The following SPATA13 variants were observed in gnomAD, a reference collection of about 807,000 sequenced individuals.
The protein encoded by SPATA13 is spermatogenesis associated 13.
Under a neutral mutation model 104.0 loss-of-function variants are expected in SPATA13, and 50 were observed. The ratio of observed to expected loss-of-function variants is 0.48; its 90% CI spans 0.38 to 0.61. The LOEUF is 0.61. Ranked by LOEUF, SPATA13 falls within the 20% of genes least tolerant of loss-of-function variation. The pLI is 0.00. For synonymous variants in SPATA13, 606 were observed against 667.5 expected (o/e 0.91, Z 1.42); for missense variants, 1,524 against 1,690.6 (o/e 0.90, Z 1.73).
chr13:24,199,751 G>A (rs1870294822), intron 1 of SPATA13, among the ~76,000 whole-genome samples: 1 of 152,216 alleles, frequency 6.6e-6, no homozygotes, highest in African/African-American at 2.4e-5. Flanking sequence ...AACAGTGTCA[G>A]ATCACATTGG....
At chr13:24,222,693 G>T in intron 1 of SPATA13, 126 bp from the exon 2 acceptor site, 1 of 754,516 alleles carries the variant, frequency 1.3e-6, no homozygotes. Context: ...GAAATGTACA[G>T]TTTTAATTGA....
intron 4 of SPATA13, among the ~76,000 whole-genome samples, chr13:24,261,837 T>C (rs1017019332): frequency 6.6e-6 from 1 of 152,164 alleles, no homozygotes; most frequent in Admixed American, 6.5e-5. Context: ...TGGGAGGATG[T>C]TGGGGGAGTT....
chr13:24,168,135 T>C (rs371299652), intron 1 of SPATA13, among the ~76,000 whole-genome samples: 91 of 152,302 alleles, frequency 6.0e-4, no homozygotes, highest in African/African-American at 2.1e-3. Context: ...TAAATCAAAC[T>C]CCATGCAGCA....
At chr13:24,006,531 G>A (rs1039234754) in intron 2 of SPATA13, among the ~76,000 whole-genome samples, 3 of 152,234 alleles carry the variant, frequency 2.0e-5, no homozygotes, top group Non-Finnish European at 2.9e-5. Context: ...GGCACGAGGT[G>A]CGGCAGAGGA....
chr13:24,186,346 A>G (rs1869148572), intron 1 of SPATA13, among the ~76,000 whole-genome samples: 1 of 152,222 alleles, frequency 6.6e-6, no homozygotes, highest in African/African-American at 2.4e-5. Flanking sequence ...TTAGGGATTA[A>G]TAGTATGACT....
intron 5 of SPATA13, among the ~76,000 whole-genome samples, chr13:24,284,496 A>G (rs1875782265): frequency 6.6e-6 from 1 of 152,100 alleles, no homozygotes; most frequent in African/African-American, 2.4e-5. Flanking sequence ...CCCTGTCTCT[A>G]CTAAAAATAC....
At chr13:24,216,412 A>G (rs1425434517) in intron 1 of SPATA13, among the ~76,000 whole-genome samples, 1 of 152,252 alleles carries the variant, frequency 6.6e-6, no homozygotes, top group Non-Finnish European at 1.5e-5. Flanking sequence ...AGTAACCCCC[A>G]TAAGGCAAGC....
intron 3 of SPATA13, among the ~76,000 whole-genome samples, chr13:24,127,368 A>G (rs1881252346): frequency 2.0e-5 from 3 of 152,202 alleles, no homozygotes; most frequent in African/African-American, 7.2e-5. Flanking sequence ...GGAGTTGACA[A>G]CCAGCGTCAT....
In SPATA13 at chr13:24,290,778, A is replaced by T. The variant is rs1248162484; in HGVS notation, c.2974A>T (p.Met992Leu). 1 of 1,614,114 alleles carries T rather than the reference A, an allele frequency of 6.2e-7. No individual in the cohort carries two copies. The highest frequency in any genetic ancestry group is 8.5e-7 in the Non-Finnish European group (1 of 1,180,038). The change falls in exon 9 of 13, where the codon ATG becomes TTG. Residue 992 changes from methionine to leucine, a missense_variant. By Grantham distance (15) the Met-to-Leu change is conservative. Transcript: ENST00000382108. ...TGAAGCCTGCCGCCTGCTGCAGCAG[A>T]TGATTGACATCGCCATCGACGGGTT... ...FFEACRLLQQ[M>L]IDIAIDGFLL... is the part of the protein sequence containing the mutation.
chr13:24,210,766 GTT>G (rs58789886), intron 1 of SPATA13, among the ~76,000 whole-genome samples: 58,559 of 137,360 alleles, frequency 0.43, 12,360 homozygotes, highest in East Asian at 0.71. Context: ...GAATTTTAGG[GTT>G]TTTTTTTTTT....
At chr13:24,114,385 G>A (rs540025676) in intron 3 of SPATA13, among the ~76,000 whole-genome samples, 4 of 150,860 alleles carry the variant, frequency 2.7e-5, no homozygotes, top group African/African-American at 9.7e-5. Context: ...GCACATGCGC[G>A]TGTGTGTGCA....
intron 3 of SPATA13, among the ~76,000 whole-genome samples, chr13:24,042,927 A>G (rs1347318630): frequency 6.6e-6 from 1 of 152,230 alleles, no homozygotes; most frequent in Non-Finnish European, 1.5e-5. Context: ...AGTTGATAGA[A>G]TGATGCAAAT....
At chr13:24,054,558 C>T (rs944843917) in intron 3 of SPATA13, among the ~76,000 whole-genome samples, 1 of 112,200 alleles carries the variant, frequency 8.9e-6, no homozygotes, top group Non-Finnish European at 2.1e-5. Context: ...TTTAAATTAA[C>T]TTTGACATGT....
intron 1 of SPATA13, among the ~76,000 whole-genome samples, chr13:24,203,437 G>A (rs1318285402): frequency 1.3e-5 from 2 of 152,090 alleles, no homozygotes; most frequent in Non-Finnish European, 2.9e-5. Flanking sequence ...CCTCAAAAGC[G>A]CTAGCTACAT....
intron 1 of SPATA13, among the ~76,000 whole-genome samples, chr13:24,211,318 C>T (rs1228757915): frequency 6.6e-6 from 1 of 152,092 alleles, no homozygotes; most frequent in Non-Finnish European, 1.5e-5. Context: ...GAGTGGACAT[C>T]CTTATCTTAT....
intron 3 of SPATA13, among the ~76,000 whole-genome samples, chr13:24,103,051 C>T (rs190636354): frequency 1.4e-3 from 219 of 152,142 alleles, no homozygotes; most frequent in African/African-American, 4.9e-3. Flanking sequence ...CAATTTTTTA[C>T]GAGGTAAAAT....
intron 2 of SPATA13, among the ~76,000 whole-genome samples, chr13:24,016,603 A>G (rs1204406135): frequency 6.6e-6 from 1 of 152,190 alleles, no homozygotes; most frequent in African/African-American, 2.4e-5. Context: ...CTCAGTGTCC[A>G]GGGCCCGGGC....
chr13:24,211,917 G>T (rs1299597118), intron 1 of SPATA13, among the ~76,000 whole-genome samples: 1 of 152,054 alleles, frequency 6.6e-6, no homozygotes, highest in Admixed American at 6.6e-5. Context: ...TCCGTGTGTC[G>T]GCTGAAGGAG....
At chr13:24,263,684 G>A (rs1432868720) in intron 4 of SPATA13, among the ~76,000 whole-genome samples, 1 of 152,204 alleles carries the variant, frequency 6.6e-6, no homozygotes, top group Non-Finnish European at 1.5e-5. Context: ...AAGAAAAAAA[G>A]TCTGTACATA....
Sources: gnomAD v4.1 joint callset for allele counts (sites outside exome capture counted in the v4.1 genomes callset) on GRCh38, gnomAD v4.1.1 for gene constraint, MANE v1.5 for transcripts, NCBI Gene and HGNC (gene_info 2026-07-23, HGNC 2026-07-21) for gene names.